Variants in MCC observed in about 807,000 individuals in gnomAD.
The protein encoded by MCC is colorectal mutant cancer protein.
In MCC, 90 loss-of-function variants were observed where a neutral mutation model predicts 116.2. That is an observed-to-expected ratio of 0.77 (90% confidence interval 0.65 to 0.92). The LOEUF (loss-of-function observed/expected upper bound fraction) is 0.92. Ranked by LOEUF, MCC falls within the 40% of genes least tolerant of loss-of-function variation. The pLI, the probability that MCC is intolerant of heterozygous loss-of-function variation, is 0.00. For missense variants in MCC, 1,516 were observed against 1,312.2 expected, an observed-to-expected ratio of 1.16 and a Z score of -2.40; for synonymous variants, 578 against 510.5, an observed-to-expected ratio of 1.13 and a Z score of -1.78.
intron 8 of MCC, among the ~76,000 whole-genome samples, chr5:113,087,220 AATTCATCAAC>A (rs1290124243): frequency 2.0e-5 from 3 of 152,240 alleles, no homozygotes; most frequent in Admixed American, 6.5e-5. Flanking sequence ...AAATTTCAAT[AATTCATCAAC>A]ATATTAGAAG....
At position 113,122,705 on chromosome 5, in the gene MCC, T is replaced by C. The variant is rs1561374325; in HGVS notation, c.1006A>G (p.Thr336Ala). The change falls in exon 6 of 19, where the codon ACC becomes GCC. Residue 336 changes from threonine to alanine, a missense_variant. Thr to Ala is a moderately conservative substitution (Grantham distance 58, BLOSUM62 0). Transcript: ENST00000408903. ...TSVSIPENQS[T>A]MVTADMDNCS... ...TCACCCATGTCAGCAGTAACCATGG[T>C]AGACTGGTTTTCGGGGATAGAGACA... The C allele has an allele frequency of 1.9e-6, 3 of 1,614,126 alleles. No homozygotes were observed. The highest frequency in any genetic ancestry group is 2.2e-5 in the East Asian group (1 of 44,878).
chr5:113,296,523 A>AG (rs1766716919), intron 3 of MCC, among the ~76,000 whole-genome samples: 1 of 152,158 alleles, frequency 6.6e-6, no homozygotes, highest in South Asian at 2.1e-4. Flanking sequence ...ATGGGAAGTA[A>AG]GGGGAAAGCG....
At chr5:113,472,317 G>A (rs1772117152) in intron 1 of MCC, among the ~76,000 whole-genome samples, 3 of 152,160 alleles carry the variant, frequency 2.0e-5, no homozygotes, top group Admixed American at 6.5e-5. Flanking sequence ...GCCATTCTGA[G>A]CATGGTGCAT....
intron 1 of MCC, chr5:113,435,025 G>T: frequency 4.5e-6 from 3 of 665,932 alleles, no homozygotes; most frequent in Non-Finnish European, 7.5e-6. Flanking sequence ...TGACTTCAGC[G>T]AGTGAAGTCA....
intron 3 of MCC, among the ~76,000 whole-genome samples, chr5:113,283,663 C>G (rs576771208): frequency 1.2e-4 from 18 of 152,144 alleles, no homozygotes; most frequent in Non-Finnish European, 2.2e-4. Flanking sequence ...TTATTCCCCC[C>G]GCAAAAAGAA....
intron 5 of MCC, among the ~76,000 whole-genome samples, chr5:113,129,792 C>G (rs1296292069): frequency 6.6e-6 from 1 of 152,210 alleles, no homozygotes; most frequent in African/African-American, 2.4e-5. Context: ...AAGATACTAT[C>G]TCACACCAGT....
chr5:113,266,282 AT>A (rs1398503690), intron 3 of MCC, among the ~76,000 whole-genome samples: 1 of 151,924 alleles, frequency 6.6e-6, no homozygotes, highest in African/African-American at 2.4e-5. Flanking sequence ...ATCACCAGCA[AT>A]TCTGAAAAAA....
chr5:113,147,555 G>C (rs894591331), intron 4 of MCC, among the ~76,000 whole-genome samples: 1 of 152,146 alleles, frequency 6.6e-6, no homozygotes, highest in Non-Finnish European at 1.5e-5. Context: ...CCCGTGAAGG[G>C]GGTTAGTACC....
At chr5:113,218,444 C>A (rs1763409834) in intron 3 of MCC, among the ~76,000 whole-genome samples, 1 of 152,056 alleles carries the variant, frequency 6.6e-6, no homozygotes. Flanking sequence ...CCTGACATTA[C>A]CGCCCGCTCA....
At chr5:113,102,060 T>A in intron 7 of MCC, 115 bp from the exon 8 acceptor site, 1 of 974,768 alleles carries the variant, frequency 1.0e-6, no homozygotes, top group Non-Finnish European at 1.6e-6. Flanking sequence ...CTAGAACCAC[T>A]TTGTTATAAA....
chr5:113,469,443 C>T (rs918040167), intron 1 of MCC, among the ~76,000 whole-genome samples: 10 of 152,114 alleles, frequency 6.6e-5, no homozygotes, highest in Non-Finnish European at 1.3e-4. Flanking sequence ...ACTATTTACC[C>T]AGTAGTCATT....
At chr5:113,082,723 A>G (rs1754942365) in intron 11 of MCC, 137 bp downstream of exon 11, 13 of 1,045,634 alleles carry the variant, frequency 1.2e-5, no homozygotes, top group Non-Finnish European at 1.8e-5. Flanking sequence ...GGTGGTAGGA[A>G]CTTCCATCCC....
At position 113,122,756 on chromosome 5, in the gene MCC, G is replaced by T; in HGVS notation, c.955C>A (p.Arg319=). The T allele has an allele frequency of 6.2e-7, 1 of 1,614,152 alleles. No homozygotes were observed. Among genetic ancestry groups the T allele is most frequent in the Non-Finnish European group, 8.5e-7 (1 of 1,180,004 alleles). The part of the protein sequence containing the change: ...QSQHEVNEDS[R]SMDQDQTSVS... ...GAGGTCTGGTCTTGGTCCATGCTTC[G>T]AGAGTCCTCGTTGACCTCGTGTTGG... is the stretch of plus-strand genomic sequence containing the variant. Residue 319 remains arginine, a synonymous_variant, in exon 6 of 19, where the codon CGA becomes AGA. Transcript: ENST00000408903.
chr5:113,352,647 T>C lies in MCC; in HGVS notation c.416-11917A>G, dbSNP rs554266142. ...AGCATTCAAATTATTTCCTTTTTTT[T>C]CCCCCTGCATCAGCACGGGGGGCAG... On this transcript the variant is annotated intron_variant, in intron 2 of 18. Transcript: ENST00000408903. 1.9e-4 allele frequency among the ~76,000 whole-genome samples: 29 copies of C among 151,416 alleles called. No homozygotes were observed. In the East Asian group the frequency reaches 2.1e-3, roughly 11 times the overall value.
At chr5:113,204,858 T>C (rs1762842306) in intron 3 of MCC, among the ~76,000 whole-genome samples, 1 of 152,200 alleles carries the variant, frequency 6.6e-6, no homozygotes, top group Non-Finnish European at 1.5e-5. Flanking sequence ...AGTTTTGAAG[T>C]CTTACTTTTA....
At chr5:113,390,352 T>C (rs975490343) in intron 1 of MCC, among the ~76,000 whole-genome samples, 1 of 152,212 alleles carries the variant, frequency 6.6e-6, no homozygotes, top group African/African-American at 2.4e-5. Context: ...GATATCATCA[T>C]AACATGAGAA....
In MCC at chr5:113,029,031, G is replaced by T. The variant is rs755761719; in HGVS notation, c.2782C>A (p.Gln928Lys). ...CTCTCCAAGGCACTCACCAGCTCTT[G>T]AACTCTGGCCTTCAACTTCTTTTCT... Reference protein sequence around the residue: ...RREKKLKARVQELVSALERLT... With the variant: ...RREKKLKARVKELVSALERLT... The change falls in exon 18 of 19, where the codon CAA becomes AAA. Residue 928 changes from glutamine to lysine, a missense_variant. By Grantham distance (53) the Gln-to-Lys change is moderately conservative (BLOSUM62 1). Coordinates refer to ENST00000408903, the MANE Select transcript of MCC (RefSeq NM_001085377.2). The T allele has an allele frequency of 6.2e-7, 1 of 1,613,194 alleles. No homozygotes were observed. The highest frequency in any genetic ancestry group is 1.3e-5 in the African/African-American group (1 of 75,006).
intron 1 of MCC, among the ~76,000 whole-genome samples, chr5:113,473,751 A>G (rs1170392134): frequency 3.3e-5 from 5 of 152,222 alleles, no homozygotes; most frequent in Non-Finnish European, 7.3e-5. Flanking sequence ...AATAACAACT[A>G]CAAATAAAGA....
intron 6 of MCC, among the ~76,000 whole-genome samples, chr5:113,110,935 G>C (rs1254864907): frequency 6.6e-6 from 1 of 152,188 alleles, no homozygotes; most frequent in African/African-American, 2.4e-5. Context: ...TGTGCAGAGG[G>C]GCCAGCCGCA....
Sources: gnomAD v4.1 joint callset for allele counts (sites outside exome capture counted in the v4.1 genomes callset) on GRCh38, gnomAD v4.1.1 for gene constraint, MANE v1.5 for transcripts, NCBI Gene and HGNC (gene_info 2026-07-23, HGNC 2026-07-21) for gene names.